CALD1: variants seen among roughly 807,000 people sequenced by gnomAD.
CALD1 encodes the protein caldesmon 1.
CALD1 carries 33 observed loss-of-function variants against 99.9 expected under a neutral mutation model. The ratio of observed to expected loss-of-function variants is 0.33; its 90% CI spans 0.25 to 0.44. The LOEUF (loss-of-function observed/expected upper bound fraction) is 0.44. CALD1 is among the 20% of genes least tolerant of loss of function. The pLI, the probability that CALD1 is intolerant of heterozygous loss-of-function variation, is 1.00. For synonymous variants in CALD1, 310 were observed against 325.0 expected (o/e 0.95, Z 0.50); for missense variants, 861 against 962.1 (o/e 0.89, Z 1.39).
At chr7:134,948,052 T>C (rs979473227) in intron 8 of CALD1, 3 of 300,364 alleles carry the variant, frequency 1.0e-5, no homozygotes, top group African/African-American at 4.3e-5. Flanking sequence ...AAGGTCTCCC[T>C]TGAGTCTGCC....
intron 1 of CALD1, among the ~76,000 whole-genome samples, chr7:134,830,352 A>T (rs1799171342): frequency 6.6e-6 from 1 of 152,010 alleles, no homozygotes; most frequent in Non-Finnish European, 1.5e-5. Context: ...ACACCTTTGA[A>T]TTATCTCATT....
chr7:134,916,149 G>T (rs1586295157), intron 3 of CALD1, among the ~76,000 whole-genome samples: 1 of 152,188 alleles, frequency 6.6e-6, no homozygotes, highest in Non-Finnish European at 1.5e-5. Flanking sequence ...CACATGGAGT[G>T]GGGGTATGAG....
At chr7:134,805,720 C>T (rs990511012) in intron 1 of CALD1, among the ~76,000 whole-genome samples, 5 of 152,120 alleles carry the variant, frequency 3.3e-5, no homozygotes, top group African/African-American at 9.7e-5. Flanking sequence ...TCTTTCTTCC[C>T]ATGGCAATCT....
intron 3 of CALD1, among the ~76,000 whole-genome samples, chr7:134,886,384 T>C (rs961414408): frequency 1.6e-4 from 25 of 151,980 alleles, no homozygotes; most frequent in African/African-American, 6.0e-4. Flanking sequence ...AGCAATTCAT[T>C]TGGAGAAGAA....
At chr7:134,878,205 TCCAG>T (rs1801437853) in intron 3 of CALD1, among the ~76,000 whole-genome samples, 1 of 152,154 alleles carries the variant, frequency 6.6e-6, no homozygotes, top group African/African-American at 2.4e-5. Context: ...AAAGATTCTC[TCCAG>T]ACTCTCAGGT....
At chr7:134,789,764 T>C (rs113765462) in intron 1 of CALD1, among the ~76,000 whole-genome samples, 13 of 152,172 alleles carry the variant, frequency 8.5e-5, no homozygotes, top group Middle Eastern at 6.8e-3. Context: ...CTAGGACCAA[T>C]AGATACAAGT....
the CALD1 span, among the ~76,000 whole-genome samples, chr7:134,717,020 CATCT>C: frequency 1.6e-4 from 24 of 152,246 alleles, no homozygotes; most frequent in Middle Eastern, 3.4e-3. Context: ...ATCTATCTAT[CATCT>C]ATCTATCTGT....
At chr7:134,740,647 C>T (rs1277993802), upstream of CALD1, among the ~76,000 whole-genome samples, 1 of 152,174 alleles carries the variant, frequency 6.6e-6, no homozygotes, top group Non-Finnish European at 1.5e-5. Context: ...TTTTTAAATT[C>T]TGTGTACATT....
intron 3 of CALD1, among the ~76,000 whole-genome samples, chr7:134,913,275 A>G (rs1447195945): frequency 6.6e-6 from 1 of 151,682 alleles, no homozygotes; most frequent in Non-Finnish European, 1.5e-5. Context: ...TCAAAAAAGA[A>G]AAAAAAAATT....
Position 134,960,092 on chromosome 7 carries a change from C to T in CALD1, c.2180C>T (p.Ala727Val). 1.2e-6 allele frequency: 2 copies of T among 1,614,174 alleles called. No homozygotes were observed. The highest frequency in any genetic ancestry group is 1.3e-5 in the African/African-American group (1 of 75,044). ...GGGAATGTGTTTTCATCCCCCACTG[C>T]AGCAGGCACACCAAATAAGGTGAGC... ...EKGNVFSSPT[A>V]AGTPNKETAG... is the part of the protein sequence containing the mutation. Residue 727 changes from alanine (A) to valine (V), a missense_variant, in exon 12 of 15, where the codon GCA (alanine) becomes GTA (valine). Around this residue, in one of 5 missense-constraint regions of CALD1, gnomAD observed 190 missense variants for 249.0 expected, o/e 0.76. Coordinates refer to ENST00000361675, the MANE Select transcript of CALD1 (RefSeq NM_033138.4).
intron 3 of CALD1, among the ~76,000 whole-genome samples, chr7:134,894,367 T>C (rs994820252): frequency 6.6e-6 from 1 of 152,248 alleles, no homozygotes; most frequent in Non-Finnish European, 1.5e-5. Flanking sequence ...TGATTTTGAA[T>C]CTTTGAAGCT....
chr7:134,729,772 G>A, the CALD1 span, among the ~76,000 whole-genome samples: 1 of 152,238 alleles, frequency 6.6e-6, no homozygotes, highest in Non-Finnish European at 1.5e-5. Flanking sequence ...ATATCAAGAG[G>A]AGCTTTGAGT....
intron 9 of CALD1, among the ~76,000 whole-genome samples, chr7:134,957,777 G>A (rs1807888348): frequency 6.6e-6 from 1 of 151,748 alleles, no homozygotes; most frequent in Non-Finnish European, 1.5e-5. Context: ...TGTTTTAGAG[G>A]CATTTTTATT....
intron 8 of CALD1, among the ~76,000 whole-genome samples, chr7:134,948,332 G>T (rs1807074164): frequency 6.6e-6 from 1 of 151,908 alleles, no homozygotes; most frequent in African/African-American, 2.4e-5. Context: ...TGCCTGACAT[G>T]CAGGAAGAGC....
At chr7:134,845,308 A>T (rs902152655) in intron 2 of CALD1, among the ~76,000 whole-genome samples, 2 of 152,218 alleles carry the variant, frequency 1.3e-5, no homozygotes, top group African/African-American at 2.4e-5. Context: ...GAATGGAAAG[A>T]GGATTAGATG....
chr7:134,843,058 A>T lies in CALD1; in HGVS notation c.-129-826A>T, dbSNP rs138947282. Among the ~76,000 whole-genome samples the T allele has an allele frequency of 1.9e-3, 294 of 152,334 alleles. 3 individuals carry two copies. Among genetic ancestry groups the T allele is most frequent in the Admixed American group, 0.016 (248 of 15,304 alleles). ...GGCTGCAATGGGGACTCGGGGAGGA[A>T]GACAGGCTCATTTGCCTAACAGGGC... On this transcript the variant is annotated intron_variant, in intron 1 of 14. Transcript: ENST00000361675.
At chr7:134,901,969 A>G (rs1010134709) in intron 3 of CALD1, among the ~76,000 whole-genome samples, 3 of 152,100 alleles carry the variant, frequency 2.0e-5, no homozygotes, top group African/African-American at 7.3e-5. Flanking sequence ...AGACTTTAAC[A>G]TATATTTGGA....
At chr7:134,756,272 C>CA (rs36011477) in intron 1 of CALD1, among the ~76,000 whole-genome samples, 2,571 of 76,724 alleles carry the variant, frequency 0.034, 104 homozygotes, top group African/African-American at 0.097. Flanking sequence ...GACTTTGTCT[C>CA]AAAAAAAAAA....
chr7:134,946,615 TAG>T (rs1320762850), intron 7 of CALD1, among the ~76,000 whole-genome samples: 2 of 152,174 alleles, frequency 1.3e-5, no homozygotes, highest in Non-Finnish European at 2.9e-5. Flanking sequence ...TTATTTCACT[TAG>T]CATAGTATCT....
Sources: allele counts gnomAD v4.1 joint callset (sites outside exome capture counted in the v4.1 genomes callset), GRCh38; gene constraint gnomAD v4.1.1; regional missense constraint gnomAD v4.1.1; transcripts MANE v1.5; gene names NCBI Gene and HGNC (gene_info 2026-07-23, HGNC 2026-07-21).